The following SPEG variants were observed in gnomAD, a reference collection of about 807,000 sequenced individuals.
SPEG encodes the protein striated muscle preferentially expressed protein kinase.
SPEG carries 114 observed loss-of-function variants against 300.4 expected under a neutral mutation model. That is an observed-to-expected ratio of 0.38 (90% confidence interval 0.33 to 0.44). The LOEUF (loss-of-function observed/expected upper bound fraction) is 0.44. Ranked by LOEUF, SPEG falls within the 20% of genes least tolerant of loss-of-function variation. The probability of loss-of-function intolerance (pLI) is 1.00; values close to 1 mark genes in which losing one functional copy is unlikely to be tolerated. For missense variants in SPEG, 4,201 were observed against 4,586.2 expected (o/e 0.92, Z 2.43); for synonymous variants, 1,964 against 2,018.9 (o/e 0.97, Z 0.73).
rs1178501751 is a variant in SPEG, at chr2:219,480,619, T to C, written c.5343-52T>C. 6.2e-7 allele frequency: 1 copy of C among 1,602,702 alleles called. No homozygotes were observed. The highest frequency in any genetic ancestry group is 8.5e-7 in the Non-Finnish European group (1 of 1,169,826). On this transcript the variant is annotated intron_variant, in intron 25 of 40. Coordinates refer to ENST00000312358, the MANE Select transcript of SPEG (RefSeq NM_005876.5). The surrounding 1 kb of genome is among the most constrained non-coding windows in gnomAD (Gnocchi z 5.3). ...TCAGCAGTAGCAAAGAACTGCTCCC[T>C]TCCAGTCAGAGAGGGGCGGTCCTCT...
chr2:219,448,428 C>A lies in SPEG; in HGVS notation c.1270C>A (p.Leu424Met), dbSNP rs1236891916. ...GCGCAGCGACTCGCCGCCGGCGCCC[C>A]TGCGGCCCTGGGTGCCCCTGCGCAA... ...LERSDSPPAP[L>M]RPWVPLRKAR... Residue 424 changes from leucine (L) to methionine (M), a missense_variant, in exon 4 of 41, where the codon CTG (leucine) becomes ATG (methionine). Physicochemically the swap from Leu to Met is conservative, Grantham distance 15. Around this residue, in one of 4 missense-constraint regions of SPEG, gnomAD observed 1,258 missense variants for 1,293.9 expected, o/e 0.97. Transcript: ENST00000312358. 6.6e-7 allele frequency: 1 copy of A among 1,519,938 alleles called. No individual in the cohort carries two copies. The highest frequency in any genetic ancestry group is 2.6e-5 in the East Asian group (1 of 39,008). The allele number at this position is 1,519,938 out of a possible 1,614,324, so 94.2% of individuals were successfully genotyped here.
At chr2:219,442,927 G>A (rs1043767617) in intron 1 of SPEG, among the ~76,000 whole-genome samples, 2 of 152,070 alleles carry the variant, frequency 1.3e-5, no homozygotes, top group East Asian at 3.9e-4. Context: ...CTGGAAGAAG[G>A]CAGGGGAGTC....
intron 13 of SPEG, among the ~76,000 whole-genome samples, chr2:219,471,425 A>C (rs919780846): frequency 3.3e-5 from 5 of 152,164 alleles, no homozygotes; most frequent in African/African-American, 1.2e-4. Context: ...TGCTGGAGAC[A>C]GAATGGCAGT....
At position 219,484,366 on chromosome 2, in the gene SPEG, G is replaced by A. The variant is rs1161587629; in HGVS notation, c.6903G>A (p.Pro2301=). ...EKRVPSAGGP[P]VLAEKARVPT... ...GCGTGCCCTCAGCCGGGGGTCCCCC[G>A]GTGCTAGCCGAGAAAGCCCGAGTTC... Residue 2301 remains proline, a synonymous_variant, in exon 30 of 41, where the codon CCG becomes CCA. Coordinates refer to ENST00000312358, the MANE Select transcript of SPEG (RefSeq NM_005876.5). 4.4e-6 allele frequency: 7 copies of A among 1,607,042 alleles called. No individual in the cohort carries two copies. The highest frequency in any genetic ancestry group is 5.1e-6 in the Non-Finnish European group (6 of 1,179,246).
At chr2:219,438,660 C>G (rs1165815103) in intron 1 of SPEG, among the ~76,000 whole-genome samples, 1 of 152,166 alleles carries the variant, frequency 6.6e-6, no homozygotes, top group Non-Finnish European at 1.5e-5. Flanking sequence ...CACTAAAGGG[C>G]AGAGGGGAAG....
rs1389425928 is a variant in SPEG at position 219,488,323 on chromosome 2, T to C, written c.7858+13T>C. ...TCCTGGATGAAAGGTAAGGAGACTCTGTCTCCCACAGAGAGGGAGGCCAGC... is the reference window on the plus strand; with the variant it reads ...TCCTGGATGAAAGGTAAGGAGACTCCGTCTCCCACAGAGAGGGAGGCCAGC... On this transcript the variant is annotated intron_variant, in intron 32 of 40. Transcript: ENST00000312358. The C allele has an allele frequency of 6.3e-7, 1 of 1,583,382 alleles. No individual in the cohort carries two copies. The highest frequency in any genetic ancestry group is 8.6e-7 in the Non-Finnish European group (1 of 1,157,398).
At position 219,476,877 on chromosome 2, in the gene SPEG, T is replaced by A; in HGVS notation, c.4455T>A (p.Pro1485=). ...CSVTLELAEA[P]RFESIMEDVE... is the part of the protein sequence containing the mutation. ...TATCCCCATGTGTTTCAGAGGCCCC[T>A]CGGTTTGAGTCCATCATGGAGGACG... Residue 1485 remains proline, a synonymous_variant, in exon 19 of 41, where the codon CCT becomes CCA. Coordinates refer to ENST00000312358, the MANE Select transcript of SPEG (RefSeq NM_005876.5). 6.2e-7 allele frequency: 1 copy of A among 1,612,930 alleles called. No homozygotes were observed. The highest frequency in any genetic ancestry group is 8.5e-7 in the Non-Finnish European group (1 of 1,179,528).
Position 219,483,747 on chromosome 2 carries a change from TG to T in SPEG, c.6290del (p.Gly2097AlafsTer142). The T allele has an allele frequency of 6.5e-7, 1 of 1,540,220 alleles. No homozygotes were observed. On this transcript the variant is annotated frameshift_variant, in exon 30 of 41. Transcript: ENST00000312358. LOFTEE classifies it high-confidence loss of function. Reference protein sequence around the residue: ...SGLRGPLLESLGGRARDPRMA... With the variant: ...SGLRGPLLESXGGRARDPRMA... ...CTCAGGGGTCCCCTGCTGGAGAGCC[TG>T]GGGGGCCGTGCTCGGGACCCCCGGA...
chr2:219,491,887 C>T lies in SPEG; in HGVS notation c.9461+18C>T. 1 of 1,576,252 alleles carries T rather than the reference C, an allele frequency of 6.3e-7. No homozygotes were observed. The highest frequency in any genetic ancestry group is 8.6e-7 in the Non-Finnish European group (1 of 1,157,580). On this transcript the variant is annotated intron_variant, in intron 39 of 40. Transcript: ENST00000312358. Reference sequence around the variant, plus strand: ...TACATTATGTGAGTGTCCCCTACCCCACCGCAGCCCTCTCTGCCCATACAG... The same window carrying T: ...TACATTATGTGAGTGTCCCCTACCCTACCGCAGCCCTCTCTGCCCATACAG...
chr2:219,471,504 CAT>C (rs1691871600), intron 13 of SPEG, among the ~76,000 whole-genome samples: 1 of 152,092 alleles, frequency 6.6e-6, no homozygotes, highest in African/African-American at 2.4e-5. Flanking sequence ...CGAGTTTTGA[CAT>C]AGAGGTTGTG....
At chr2:219,452,510 G>T (rs1689840311) in intron 6 of SPEG, among the ~76,000 whole-genome samples, 1 of 152,142 alleles carries the variant, frequency 6.6e-6, no homozygotes, top group Non-Finnish European at 1.5e-5. Flanking sequence ...CCCGGGCCTG[G>T]GGTTCGGGGA....
chr2:219,460,296 G>A (rs867675545), intron 6 of SPEG: 4 of 985,280 alleles, frequency 4.1e-6, no homozygotes, highest in Admixed American at 6.1e-5. Flanking sequence ...ACAGTTCTCC[G>A]ATTTTCGGGG....
In SPEG at chr2:219,484,742, C is replaced by T. The variant is rs1292073680; in HGVS notation, c.7279C>T (p.Pro2427Ser). Residue 2427 changes from proline (P) to serine (S), a missense_variant, in exon 30 of 41, where the codon CCG (proline) becomes TCG (serine). By Grantham distance (74) the Pro-to-Ser change is moderately conservative (BLOSUM62 -1). Coordinates refer to ENST00000312358, the MANE Select transcript of SPEG (RefSeq NM_005876.5). ...GCGGACCCCTCCCGCGCAGCGCCAC[C>T]CGGCCTGGGAGGCCCGCGGCGGGGA... ...LRRTPPAQRH[P>S]AWEARGGDGE... 6.8e-7 allele frequency: 1 copy of T among 1,478,692 alleles called. No homozygotes were observed. The highest frequency in any genetic ancestry group is 8.9e-7 in the Non-Finnish European group (1 of 1,126,240). The allele number at this position is 1,478,692 out of a possible 1,614,324, so 91.6% of individuals were successfully genotyped here.
In SPEG at chr2:219,489,816, G is replaced by GC; in HGVS notation, c.8801dup (p.Ala2935GlyfsTer19). 1.2e-6 allele frequency: 2 copies of GC among 1,613,578 alleles called. No homozygotes were observed. The highest frequency in any genetic ancestry group is 1.7e-6 in the Non-Finnish European group (2 of 1,179,906). On this transcript the variant is annotated frameshift_variant, in exon 36 of 41. Coordinates refer to ENST00000312358, the MANE Select transcript of SPEG (RefSeq NM_005876.5). LOFTEE classifies it high-confidence loss of function. ...ACCAAGGTGACTGTGCAGAGCCTCA[G>GC]CCCGGCCAAGGAGGTGGTCAGCTCC...
At chr2:219,466,069 A>G (rs773471041) in intron 9 of SPEG, 1 of 1,603,802 alleles carries the variant, frequency 6.2e-7, no homozygotes, top group South Asian at 1.1e-5. Flanking sequence ...GAGTGAGCTC[A>G]GGGGGCCACC....
rs917221158 is a variant in SPEG, at chr2:219,451,935, A to G, written c.2440+128A>G. 26 of 972,908 alleles carry G rather than the reference A, an allele frequency of 2.7e-5. No homozygotes were observed. The Middle Eastern group carries it at 2.6e-3, about 98-fold the overall frequency. The allele number at this position is 972,908 out of a possible 1,614,324, so 60.3% of individuals were successfully genotyped here. A position where few individuals can be genotyped will look rare whatever the true frequency, so the allele number is the denominator to read the frequency against. On this transcript the variant is annotated intron_variant, in intron 6 of 40. Coordinates refer to ENST00000312358, the MANE Select transcript of SPEG (RefSeq NM_005876.5). The surrounding 1 kb of genome is among the most constrained non-coding windows in gnomAD (Gnocchi z 6.4). The stretch of plus-strand genomic sequence containing the variant: ...GGCACCCCGCCAGCATACTTAGTCC[A>G]TGCAGTCCCTTCTGGGTGTCGGCAG...
rs1692050114 is a variant in SPEG, at chr2:219,473,239, C to T, written c.4147+143C>T. 1.2e-6 allele frequency: 1 copy of T among 841,448 alleles called. No homozygotes were observed. Among genetic ancestry groups the T allele is most frequent in the African/African-American group, 1.7e-5 (1 of 58,834 alleles). 52.1% of individuals were successfully genotyped at this position (841,448 alleles called of 1,614,324 possible). A position where few individuals can be genotyped will look rare whatever the true frequency, so the allele number is the denominator to read the frequency against. ...CGGGCGGGACCTTGGCCCATCTGTA[C>T]ACTTCCTTCTCCCTCCTGAAAGCAG... On this transcript the variant is annotated intron_variant, in intron 16 of 40. Transcript: ENST00000312358. This position sits in a 1 kb window ranked among gnomAD's most constrained non-coding sequence, Gnocchi z 4.6.
At position 219,443,975 on chromosome 2, in the gene SPEG, C is replaced by A. The variant is rs544543164; in HGVS notation, c.389-678C>A. 2 of 1,346,034 alleles carry A rather than the reference C, an allele frequency of 1.5e-6. No individual in the cohort carries two copies. Among genetic ancestry groups the A allele is most frequent in the Non-Finnish European group, 2.0e-6 (2 of 1,009,148 alleles). 83.4% of individuals were successfully genotyped at this position (1,346,034 alleles called of 1,614,324 possible). A position where few individuals can be genotyped will look rare whatever the true frequency, so the allele number is the denominator to read the frequency against. ...TGCCCTCCATGCCCTGCCCCACAAACGCTCTGATAACAGTCTGTCCCTGTC... is the reference window on the plus strand; with the variant it reads ...TGCCCTCCATGCCCTGCCCCACAAAAGCTCTGATAACAGTCTGTCCCTGTC... On this transcript the variant is annotated intron_variant, in intron 1 of 40. Coordinates refer to ENST00000312358, the MANE Select transcript of SPEG (RefSeq NM_005876.5). This position sits in a 1 kb window ranked among gnomAD's most constrained non-coding sequence, Gnocchi z 4.6.
intron 9 of SPEG, chr2:219,466,376 G>T: frequency 7.3e-7 from 1 of 1,378,444 alleles, no homozygotes. Context: ...GGGGAGCACC[G>T]GGCGAGTGCA....
Sources: allele counts gnomAD v4.1 joint callset (sites outside exome capture counted in the v4.1 genomes callset), GRCh38; gene constraint gnomAD v4.1.1; regional missense constraint gnomAD v4.1.1; non-coding constraint Gnocchi (gnomAD v3.1); transcripts MANE v1.5; gene names NCBI Gene and HGNC (gene_info 2026-07-23, HGNC 2026-07-21).